NXN: variants seen among roughly 807,000 people sequenced by gnomAD.
NXN encodes nucleoredoxin.
Under a neutral mutation model 48.6 loss-of-function variants are expected in NXN, and 16 were observed. The observed-to-expected ratio is 0.33, with a 90% confidence interval of 0.22 to 0.50. NXN has a LOEUF of 0.50. Among genes scored for constraint, NXN ranks in the 20% least tolerant of loss-of-function variants. The pLI is 0.98. For missense variants in NXN, 492 were observed against 605.5 expected, an observed-to-expected ratio of 0.81 and a Z score of 1.97; for synonymous variants, 281 against 269.6, an observed-to-expected ratio of 1.04 and a Z score of -0.41.
chr17:950,943 T>G (rs201894364), intron 1 of NXN, among the ~76,000 whole-genome samples: 1 of 14,566 alleles, frequency 6.9e-5, no homozygotes, highest in African/African-American at 6.7e-4. Context: ...CTGTCAACTC[T>G]TGACTTTCTG....
intron 1 of NXN, among the ~76,000 whole-genome samples, chr17:977,251 G>A (rs1049611897): frequency 6.6e-6 from 1 of 152,098 alleles, no homozygotes. Context: ...TAAAGTATAG[G>A]ATGTGAGTCA....
chr17:933,775 T>TACG (rs1204422703), intron 1 of NXN, among the ~76,000 whole-genome samples: 2 of 152,146 alleles, frequency 1.3e-5, no homozygotes, highest in African/African-American at 4.8e-5. Flanking sequence ...TCCTGAAGCC[T>TACG]ACGTGGTCAA....
At position 979,300 on chromosome 17, in the gene NXN, C is replaced by A. The variant is rs1291815397; in HGVS notation, c.360+19G>T. 4 of 1,312,606 alleles carry A rather than the reference C, an allele frequency of 3.0e-6. No homozygotes were observed. Among genetic ancestry groups the A allele is most frequent in the African/African-American group, 4.5e-5 (2 of 44,010 alleles). The allele number at this position is 1,312,606 out of a possible 1,614,324, so 81.3% of individuals were successfully genotyped here. A position where few individuals can be genotyped will look rare whatever the true frequency, so the allele number is the denominator to read the frequency against. ...GGCGTGGGGGGCGGGCAGGGGCCGG[C>A]GAGGCCCGCGCCGCTCACCTTCCTG... is the stretch of plus-strand genomic sequence containing the variant. On this transcript the variant is annotated intron_variant, in intron 1 of 7. Coordinates refer to ENST00000336868, the MANE Select transcript of NXN (RefSeq NM_022463.5).
chr17:805,517 G>C (rs995199486), intron 5 of NXN, among the ~76,000 whole-genome samples: 8 of 152,230 alleles, frequency 5.3e-5, no homozygotes, highest in African/African-American at 1.9e-4. Context: ...GCTGCAGCCT[G>C]ATGAGTGTGT....
intron 1 of NXN, among the ~76,000 whole-genome samples, chr17:893,786 T>A (rs36137057): frequency 1.3e-3 from 19 of 15,074 alleles, no homozygotes; most frequent in South Asian, 6.0e-3. Flanking sequence ...AGAGGAAGCA[T>A]CTCAACTCCC....
At chr17:951,397 A>T (rs2069108966) in intron 1 of NXN, among the ~76,000 whole-genome samples, 1 of 151,340 alleles carries the variant, frequency 6.6e-6, no homozygotes, top group Non-Finnish European at 1.5e-5. Flanking sequence ...ACTTTCTAAC[A>T]CACCCCCAGG....
intron 1 of NXN, among the ~76,000 whole-genome samples, chr17:955,678 C>T (rs2069159221): frequency 6.6e-6 from 1 of 150,970 alleles, no homozygotes; most frequent in Non-Finnish European, 1.5e-5. Context: ...GGGCGGATCA[C>T]AAGGTCAGGA....
intron 1 of NXN, among the ~76,000 whole-genome samples, chr17:955,601 C>G (rs1272290257): frequency 2.1e-5 from 3 of 144,748 alleles, no homozygotes; most frequent in African/African-American, 7.8e-5. Flanking sequence ...GCCTGTAATC[C>G]CAGCACCTCG....
At chr17:826,975 G>A (rs1043976490) in intron 1 of NXN, among the ~76,000 whole-genome samples, 9 of 152,208 alleles carry the variant, frequency 5.9e-5, no homozygotes, top group African/African-American at 2.2e-4. Context: ...TCCTGTGTTC[G>A]TTCACTGCCG....
intron 5 of NXN, among the ~76,000 whole-genome samples, chr17:814,649 T>G (rs1912366738): frequency 6.6e-6 from 1 of 152,194 alleles, no homozygotes; most frequent in Non-Finnish European, 1.5e-5. Flanking sequence ...TCCTGTCCAC[T>G]CAAGGGCAGC....
chr17:904,636 C>T (rs1429927387), intron 1 of NXN, among the ~76,000 whole-genome samples: 5 of 152,068 alleles, frequency 3.3e-5, no homozygotes, highest in Non-Finnish European at 7.4e-5. Context: ...CTCTGCCTCC[C>T]GGGTTCAAGC....
chr17:948,270 G>T (rs775588762), intron 1 of NXN, among the ~76,000 whole-genome samples: 1 of 151,954 alleles, frequency 6.6e-6, no homozygotes, highest in African/African-American at 2.4e-5. Flanking sequence ...ATGATCACAC[G>T]TTGTATGCCT....
Position 919,361 on chromosome 17 carries a change from CAA to C in NXN, c.360+59956_360+59957del, listed in dbSNP as rs1195401060. ...CTGGTGACAGAGTGAGACTCTGTCT[CAA>C]AACAAAACAAAAAAAAGGTTCTGGA... On this transcript the variant is annotated intron_variant, in intron 1 of 7. Transcript: ENST00000336868. This position sits in a 1 kb window ranked among gnomAD's most constrained non-coding sequence, Gnocchi z 5.1. 1.5e-5 allele frequency among the ~76,000 whole-genome samples: 2 copies of C among 137,350 alleles called. No individual in the cohort carries two copies. Among genetic ancestry groups the C allele is most frequent in the East Asian group, 6.5e-4 (2 of 3,082 alleles). The allele number at this position is 137,350 out of a possible 152,430, so 90.1% of individuals were successfully genotyped here.
chr17:843,624 G>C (rs1324604251), intron 1 of NXN, among the ~76,000 whole-genome samples: 2 of 152,220 alleles, frequency 1.3e-5, no homozygotes, highest in Admixed American at 1.3e-4. Context: ...TGAGGAGCCA[G>C]CGTCGATCTG....
At chr17:927,325 A>G (rs546362054) in intron 1 of NXN, among the ~76,000 whole-genome samples, 1 of 151,386 alleles carries the variant, frequency 6.6e-6, no homozygotes, top group Non-Finnish European at 1.5e-5. Flanking sequence ...AAGCAAAATT[A>G]GGACTGGGTG....
At chr17:930,985 G>T (rs1180083904) in intron 1 of NXN, among the ~76,000 whole-genome samples, 1 of 152,016 alleles carries the variant, frequency 6.6e-6, no homozygotes, top group Non-Finnish European at 1.5e-5. Flanking sequence ...TGGTCAGGCT[G>T]GTCTCGAACT....
At chr17:865,083 G>A (rs1356791303) in intron 1 of NXN, among the ~76,000 whole-genome samples, 1 of 152,120 alleles carries the variant, frequency 6.6e-6, no homozygotes, top group African/African-American at 2.4e-5. Flanking sequence ...GAGGAGAAAA[G>A]CACAACTCCC....
At chr17:963,818 C>T (rs982926232) in intron 1 of NXN, among the ~76,000 whole-genome samples, 2 of 152,080 alleles carry the variant, frequency 1.3e-5, no homozygotes, top group African/African-American at 4.8e-5. Flanking sequence ...TGGCTCACGC[C>T]TGTCATCCCA....
In NXN at chr17:800,915, G is replaced by A. The variant is rs751126271; in HGVS notation, c.*34C>T. On this transcript the variant is annotated 3_prime_UTR_variant, in exon 8 of 8. Transcript: ENST00000336868. ...AGGAGGGGGAGGAGGAGAAGGCTGA[G>A]TTTTAAATAACGTCTCAGGAGGCCG... The A allele has an allele frequency of 2.2e-6, 3 of 1,375,244 alleles. No individual in the cohort carries two copies. Among genetic ancestry groups the A allele is most frequent in the South Asian group, 3.7e-5 (2 of 53,348 alleles). 85.2% of individuals were successfully genotyped at this position (1,375,244 alleles called of 1,614,324 possible).
Sources: gnomAD v4.1 joint callset for allele counts (sites outside exome capture counted in the v4.1 genomes callset) on GRCh38, gnomAD v4.1.1 for gene constraint, Gnocchi (gnomAD v3.1) non-coding constraint, MANE v1.5 for transcripts, NCBI Gene and HGNC (gene_info 2026-07-23, HGNC 2026-07-21) for gene names.